COG5: variants seen among roughly 807,000 people sequenced by gnomAD.
COG5 encodes the protein component of oligomeric golgi complex 5, also known as conserved oligomeric Golgi complex subunit 5.
Under a neutral mutation model 110.4 loss-of-function variants are expected in COG5, and 86 were observed. The ratio of observed to expected loss-of-function variants is 0.78; its 90% CI spans 0.65 to 0.93. The LOEUF is 0.93. Among genes scored for constraint, COG5 ranks in the 40% least tolerant of loss-of-function variants. COG5 has a pLI of 0.00. For missense variants in COG5, 1,077 were observed against 987.0 expected, an observed-to-expected ratio of 1.09 and a Z score of -1.22; for synonymous variants, 360 against 334.6, an observed-to-expected ratio of 1.08 and a Z score of -0.83.
At chr7:107,396,521 CA>C (rs1330424451) in intron 7 of COG5, among the ~76,000 whole-genome samples, 1 of 120,920 alleles carries the variant, frequency 8.3e-6, no homozygotes, top group Non-Finnish European at 1.6e-5. Context: ...ATAGAAAGGC[CA>C]GGGGGGTGAG....
chr7:107,368,825 A>G (rs1414115409), intron 8 of COG5, among the ~76,000 whole-genome samples: 4 of 152,222 alleles, frequency 2.6e-5, no homozygotes, highest in African/African-American at 9.6e-5. Context: ...CAGGCATACA[A>G]AAAAGCATAT....
chr7:107,393,711 T>C (rs1004313571), intron 7 of COG5, among the ~76,000 whole-genome samples: 3 of 152,172 alleles, frequency 2.0e-5, no homozygotes, highest in African/African-American at 4.8e-5. Context: ...TCTCTGGCAA[T>C]TGTAAAAGAT....
At position 107,201,548 on chromosome 7, in the gene COG5, G is replaced by A; in HGVS notation, c.*1968C>T. Reference sequence around the variant, plus strand: ...TCAATTCGTGTGACCATAAGATACTGATAGCATTGAGTCTTGAAATGATTT... The same window carrying A: ...TCAATTCGTGTGACCATAAGATACTAATAGCATTGAGTCTTGAAATGATTT... On this transcript the variant is annotated 3_prime_UTR_variant, in exon 22 of 22. Transcript: ENST00000297135. 1.7e-6 allele frequency: 1 copy of A among 576,616 alleles called. No individual in the cohort carries two copies. The highest frequency in any genetic ancestry group is 3.2e-6 in the Non-Finnish European group (1 of 313,316). The allele number at this position is 576,616 out of a possible 1,614,324, so 35.7% of individuals were successfully genotyped here.
At chr7:107,332,211 G>C (rs1367154862) in intron 10 of COG5, among the ~76,000 whole-genome samples, 1 of 152,140 alleles carries the variant, frequency 6.6e-6, no homozygotes, top group East Asian at 1.9e-4. Context: ...AGCATTTAGA[G>C]GTGGTAGAAA....
intron 11 of COG5, among the ~76,000 whole-genome samples, chr7:107,315,416 T>C (rs1808642772): frequency 6.6e-6 from 1 of 152,120 alleles, no homozygotes. Flanking sequence ...TATGAACAAC[T>C]TCTTTGAGTG....
intron 10 of COG5, among the ~76,000 whole-genome samples, chr7:107,332,917 T>A (rs541010897): frequency 6.6e-6 from 1 of 151,874 alleles, no homozygotes; most frequent in South Asian, 2.1e-4. Flanking sequence ...AAAACAAAAG[T>A]GAAAACTAAG....
Position 107,516,636 on chromosome 7 carries a change from C to T in COG5, c.538+10601G>A, listed in dbSNP as rs987126253. ...GCTCCAGCTGGCATCAGGCCAGTGA[C>T]CCTCTGGGACGAAGCTTCCAGAGGA... On this transcript the variant is annotated intron_variant, in intron 6 of 21. Transcript: ENST00000297135. Among the ~76,000 whole-genome samples the T allele has an allele frequency of 1.4e-4, 22 of 152,198 alleles. 1 individual carries two copies. Among genetic ancestry groups the T allele is most frequent in the Non-Finnish European group, 1.0e-4 (7 of 68,034 alleles).
At chr7:107,321,115 C>T (rs57815418) in intron 11 of COG5, among the ~76,000 whole-genome samples, 96,039 of 152,016 alleles carry the variant, frequency 0.63, 32,640 homozygotes, top group African/African-American at 0.91. Context: ...ATAAGTAAGA[C>T]TGGCAAAGTC....
intron 14 of COG5, among the ~76,000 whole-genome samples, chr7:107,279,033 A>T (rs1050526037): frequency 6.6e-6 from 1 of 152,206 alleles, no homozygotes; most frequent in Admixed American, 6.5e-5. Flanking sequence ...TTTGCAATCT[A>T]TCCATCTGAC....
At chr7:107,444,437 TA>T (rs1308330036) in intron 6 of COG5, among the ~76,000 whole-genome samples, 1 of 152,218 alleles carries the variant, frequency 6.6e-6, no homozygotes, top group Admixed American at 6.5e-5. Context: ...TTCAGGATTT[TA>T]TAAGCTGAAA....
intron 10 of COG5, among the ~76,000 whole-genome samples, chr7:107,327,240 G>A (rs746765305): frequency 3.3e-5 from 5 of 152,050 alleles, no homozygotes; most frequent in Admixed American, 6.6e-5. Context: ...CTGGATATAC[G>A]CATGCAAAAG....
chr7:107,231,554 C>T lies in COG5; in HGVS notation c.2092-863G>A, dbSNP rs1043262230. Among the ~76,000 whole-genome samples the T allele has an allele frequency of 1.1e-4, 17 of 152,176 alleles. No homozygotes were observed. In the East Asian group the frequency reaches 1.9e-3, roughly 17 times the overall value. On this transcript the variant is annotated intron_variant, in intron 18 of 21. Transcript: ENST00000297135. ...GCTTCTCCACTCTTGCTATAAATAG[C>T]GCCCTGGTAAAGAATGGTTTAGAAA...
intron 19 of COG5, among the ~76,000 whole-genome samples, chr7:107,228,002 T>G (rs1054805036): frequency 6.6e-6 from 1 of 152,094 alleles, no homozygotes; most frequent in African/African-American, 2.4e-5. Context: ...TAAAAAATAA[T>G]AGCCTAGGCC....
In COG5 at chr7:107,217,614, C is replaced by T. The variant is rs144285951; in HGVS notation, c.2169-6389G>A. ...ATATACATCAATAAATGTGATGCAT[C>T]GTATCAGCAGAACAAAAGACAAAAA... is the stretch of plus-strand genomic sequence containing the variant. On this transcript the variant is annotated intron_variant, in intron 19 of 21. Coordinates refer to ENST00000297135, the MANE Select transcript of COG5 (RefSeq NM_006348.5). Among the ~76,000 whole-genome samples the T allele has an allele frequency of 4.0e-3, 602 of 152,160 alleles. 2 individuals carry two copies. Among genetic ancestry groups the T allele is most frequent in the African/African-American group, 0.014 (568 of 41,540 alleles).
intron 10 of COG5, among the ~76,000 whole-genome samples, chr7:107,347,234 G>C (rs569396586): frequency 4.3e-4 from 65 of 152,072 alleles, no homozygotes; most frequent in Non-Finnish European, 2.2e-4. Flanking sequence ...TCCTAATCAG[G>C]AAAAAACTGT....
rs530323655 is a variant in COG5 at position 107,414,703 on chromosome 7, C to CTTTTTTTTTTTTTT, written c.539-2085_539-2072dup. The stretch of plus-strand genomic sequence containing the variant: ...ATTGATTCCAAAATCCTCACTGTCC[C>CTTTTTTTTTTTTTT]TTTTTTTTTTTTTTTTTTTTTTTTT... On this transcript the variant is annotated intron_variant, in intron 6 of 21. Coordinates refer to ENST00000297135, the MANE Select transcript of COG5 (RefSeq NM_006348.5). Among the ~76,000 whole-genome samples the CTTTTTTTTTTTTTT allele has an allele frequency of 3.9e-4, 24 of 61,716 alleles. 2 individuals carry two copies. Among genetic ancestry groups the CTTTTTTTTTTTTTT allele is most frequent in the Admixed American group, 7.7e-4 (3 of 3,876 alleles). 40.5% of individuals were successfully genotyped at this position (61,716 alleles called of 152,430 possible). A position where few individuals can be genotyped will look rare whatever the true frequency, so the allele number is the denominator to read the frequency against.
At chr7:107,331,424 C>A (rs1490612377) in intron 10 of COG5, among the ~76,000 whole-genome samples, 4 of 151,844 alleles carry the variant, frequency 2.6e-5, no homozygotes, top group African/African-American at 9.7e-5. Context: ...GCCGAGATCA[C>A]AGCACTGCAC....
chr7:107,559,945 G>A (rs1340609107), intron 1 of COG5, among the ~76,000 whole-genome samples: 1 of 152,216 alleles, frequency 6.6e-6, no homozygotes, highest in Non-Finnish European at 1.5e-5. Flanking sequence ...TTGAAAAGAG[G>A]TTTGTAAGAC....
chr7:107,288,950 A>G (rs1325860798), intron 12 of COG5, among the ~76,000 whole-genome samples: 1 of 89,176 alleles, frequency 1.1e-5, no homozygotes, highest in Non-Finnish European at 2.5e-5. Context: ...ATATATATAT[A>G]TATATATATA....
Sources: allele counts gnomAD v4.1 joint callset (sites outside exome capture counted in the v4.1 genomes callset), GRCh38; gene constraint gnomAD v4.1.1; transcripts MANE v1.5; gene names NCBI Gene and HGNC (gene_info 2026-07-23, HGNC 2026-07-21).